COL5A1: variants seen among roughly 807,000 people sequenced by gnomAD.
COL5A1 encodes the protein collagen type V alpha 1 chain.
Under a neutral mutation model 263.7 loss-of-function variants are expected in COL5A1, and 16 were observed. The ratio of observed to expected loss-of-function variants is 0.06; its 90% CI spans 0.04 to 0.09. The LOEUF (loss-of-function observed/expected upper bound fraction) is 0.09. COL5A1 is among the 10% of genes least tolerant of loss of function. COL5A1 has a pLI of 1.00. For missense variants in COL5A1, 2,036 were observed against 2,540.5 expected (o/e 0.80, Z 4.27); for synonymous variants, 1,012 against 1,004.5 (o/e 1.01, Z -0.14).
At chr9:134,819,180 G>A (rs1838892281) in intron 57 of COL5A1, 127 bp downstream of exon 57, 1 of 1,032,954 alleles carries the variant, frequency 9.7e-7, no homozygotes, top group African/African-American at 1.6e-5. Flanking sequence ...CAGGCTGGTG[G>A]TGGGGAACCT....
At chr9:134,783,323 G>A (rs1837330113) in intron 29 of COL5A1, among the ~76,000 whole-genome samples, 1 of 152,220 alleles carries the variant, frequency 6.6e-6, no homozygotes, top group African/African-American at 2.4e-5. Context: ...CTCGGCTCCA[G>A]AGAAAGCCGG....
intron 1 of COL5A1, among the ~76,000 whole-genome samples, chr9:134,668,644 T>G (rs1832428925): frequency 6.6e-6 from 1 of 151,772 alleles, no homozygotes; most frequent in African/African-American, 2.4e-5. Context: ...CCCATCCATC[T>G]AAACTATAAA....
chr9:134,788,439 G>C (rs953347678), intron 31 of COL5A1, among the ~76,000 whole-genome samples: 5 of 150,950 alleles, frequency 3.3e-5, no homozygotes, highest in Admixed American at 2.6e-4. Context: ...TGGTTAGGTG[G>C]GTAGGTAGGC....
chr9:134,801,987 C>G lies in COL5A1; in HGVS notation c.2986C>G (p.Pro996Ala), dbSNP rs774351619. ...AGGCAAGACCGGCCCTCCAGGCCCC[C>G]CCGGCGTGGTCGGCCCTCAGGTAAG... Reference protein sequence around the residue: ...FQGKTGPPGPPGVVGPQGPTG... With the variant: ...FQGKTGPPGPAGVVGPQGPTG... The change falls in exon 38 of 66, where the codon CCC becomes GCC. Residue 996 changes from proline to alanine, a missense_variant. Around this residue, in one of 3 missense-constraint regions of COL5A1, gnomAD observed 1,078 missense variants for 1,521.4 expected, o/e 0.71. Transcript: ENST00000371817. 11 of 1,613,440 alleles carry G rather than the reference C, an allele frequency of 6.8e-6. No individual in the cohort carries two copies. The highest frequency in any genetic ancestry group is 9.3e-6 in the Non-Finnish European group (11 of 1,180,032).
rs62571364 is a variant in COL5A1 at position 134,786,139 on chromosome 9, C to T, written c.2646+91C>T. 25,240 of 1,199,014 alleles carry T rather than the reference C, an allele frequency of 0.021. 331 individuals carry two copies. The highest frequency in any genetic ancestry group is 0.026 in the East Asian group (1,034 of 39,338). The allele number at this position is 1,199,014 out of a possible 1,614,324, so 74.3% of individuals were successfully genotyped here. On this transcript the variant is annotated intron_variant, in intron 31 of 65. Coordinates refer to ENST00000371817, the MANE Select transcript of COL5A1 (RefSeq NM_000093.5). The stretch of plus-strand genomic sequence containing the variant: ...CTGCATCCGGCCGTGTTAGGTGTCC[C>T]GGCACAGGTGGAAGGATGTTCTGCC...
Position 134,642,292 on chromosome 9 carries a change from C to T in COL5A1, c.105C>T (p.Arg35=). Residue 35 remains arginine (R), a synonymous_variant, in exon 1 of 66, where the codon CGC becomes CGT. Transcript: ENST00000371817. This position sits in a 1 kb window ranked among gnomAD's most constrained non-coding sequence, Gnocchi z 4.5. ...TGCTGTGGGCGCCGCCTCCGAGCCG[C>T]GCAGGTAAGGGCGCCCCGGGGCGCG... ...LLLLWAPPPS[R]AAQPADLLKV... 8 of 1,097,924 alleles carry T rather than the reference C, an allele frequency of 7.3e-6. 1 individual carries two copies. The highest frequency in any genetic ancestry group is 9.1e-6 in the Non-Finnish European group (8 of 879,264). 68.0% of individuals were successfully genotyped at this position (1,097,924 alleles called of 1,614,324 possible).
In COL5A1 at chr9:134,806,314, T is replaced by G. The variant is rs751538872; in HGVS notation, c.3366+18T>G. 1 of 1,514,330 alleles carries G rather than the reference T, an allele frequency of 6.6e-7. No homozygotes were observed. The highest frequency in any genetic ancestry group is 2.5e-5 in the East Asian group (1 of 40,686). 93.8% of individuals were successfully genotyped at this position (1,514,330 alleles called of 1,614,324 possible). ...GGGCTCCTGTAAGTACTGCCTTGGA[T>G]TGGGGGAGCCCTTCCCTCAGAGATG... On this transcript the variant is annotated intron_variant, in intron 42 of 65. Coordinates refer to ENST00000371817, the MANE Select transcript of COL5A1 (RefSeq NM_000093.5).
intron 4 of COL5A1, among the ~76,000 whole-genome samples, chr9:134,706,760 C>T (rs1050200253): frequency 1.3e-5 from 2 of 152,228 alleles, no homozygotes; most frequent in Non-Finnish European, 2.9e-5. Flanking sequence ...GTTCTCCTAG[C>T]CCTCCCCGCA....
intron 32 of COL5A1, among the ~76,000 whole-genome samples, chr9:134,791,107 C>T (rs193109262): frequency 3.3e-5 from 5 of 152,322 alleles, no homozygotes; most frequent in Non-Finnish European, 7.3e-5. Flanking sequence ...CTGTGGGTCA[C>T]GGGACACAAC....
At chr9:134,659,097 TA>T (rs1262714532) in intron 1 of COL5A1, among the ~76,000 whole-genome samples, 1 of 152,110 alleles carries the variant, frequency 6.6e-6, no homozygotes, top group Non-Finnish European at 1.5e-5. Context: ...GTTAGGCCTT[TA>T]AAATAGCCTT....
chr9:134,762,474 C>T (rs1042629306), intron 19 of COL5A1, among the ~76,000 whole-genome samples: 2 of 151,550 alleles, frequency 1.3e-5, no homozygotes, highest in African/African-American at 4.9e-5. Flanking sequence ...GGCCAGAGCA[C>T]AGGAGGGAGC....
At chr9:134,724,924 TGGA>T (rs1834593797) in intron 4 of COL5A1, among the ~76,000 whole-genome samples, 1 of 151,916 alleles carries the variant, frequency 6.6e-6, no homozygotes, top group Non-Finnish European at 1.5e-5. Flanking sequence ...GGATGAACCG[TGGA>T]GAACTTGCCA....
chr9:134,810,366 G>C (rs1420262229), intron 44 of COL5A1, 58 bp downstream of exon 44: 7 of 1,526,944 alleles, frequency 4.6e-6, no homozygotes, highest in Non-Finnish European at 6.3e-6. Flanking sequence ...CCTCGTCGCA[G>C]GCTGTAGGCC....
chr9:134,836,553 C>A lies in COL5A1; in HGVS notation c.5370+1349C>A, dbSNP rs369126945. On this transcript the variant is annotated intron_variant, in intron 65 of 65. Coordinates refer to ENST00000371817, the MANE Select transcript of COL5A1 (RefSeq NM_000093.5). ...GGCCGGCCCTGCAGGGTGCCCTCTT[C>A]TGAGCAACACGGATGGGTCCTCAGT... Among the ~76,000 whole-genome samples the A allele has an allele frequency of 6.4e-3, 972 of 152,338 alleles. 28 individuals are homozygous for A. The highest frequency in any genetic ancestry group is 3.4e-3 in the Middle Eastern group (1 of 294).
Position 134,645,744 on chromosome 9 carries a change from C to T in COL5A1, c.109+3448C>T, listed in dbSNP as rs151257903. On this transcript the variant is annotated intron_variant, in intron 1 of 65. Transcript: ENST00000371817. ...GGGCCCTAAGCCAGCAACGGCCCTT[C>T]GCCTGGCATGGTCACTCTTTGACTT... Among the ~76,000 whole-genome samples the T allele has an allele frequency of 3.8e-3, 585 of 152,330 alleles. 6 individuals are homozygous for T. The highest frequency in any genetic ancestry group is 0.013 in the African/African-American group (556 of 41,566).
intron 27 of COL5A1, among the ~76,000 whole-genome samples, chr9:134,775,892 G>C (rs992870031): frequency 5.9e-5 from 9 of 152,192 alleles, no homozygotes; most frequent in African/African-American, 2.2e-4. Flanking sequence ...GGCCGCCCTG[G>C]GGCATGGAGG....
intron 29 of COL5A1, among the ~76,000 whole-genome samples, chr9:134,782,958 G>T (rs779724379): frequency 6.6e-6 from 1 of 152,210 alleles, no homozygotes; most frequent in African/African-American, 2.4e-5. Context: ...ACCTGTGGTC[G>T]CCAGCTCCTC....
chr9:134,707,202 G>A (rs755375772), intron 4 of COL5A1, among the ~76,000 whole-genome samples: 12 of 152,216 alleles, frequency 7.9e-5, no homozygotes, highest in Non-Finnish European at 1.3e-4. Context: ...CGGCCAGCGA[G>A]TTCTGGGCCA....
At chr9:134,833,461 C>T (rs908703946) in intron 64 of COL5A1, among the ~76,000 whole-genome samples, 3 of 152,192 alleles carry the variant, frequency 2.0e-5, no homozygotes, top group African/African-American at 2.4e-5. Flanking sequence ...GGATCAGTGT[C>T]ATCAGAGTCC....
Sources: gnomAD v4.1 joint callset for allele counts (sites outside exome capture counted in the v4.1 genomes callset) on GRCh38, gnomAD v4.1.1 for gene constraint, gnomAD v4.1.1 regional missense constraint, Gnocchi (gnomAD v3.1) non-coding constraint, MANE v1.5 for transcripts, NCBI Gene and HGNC (gene_info 2026-07-23, HGNC 2026-07-21) for gene names.